RNF185: variants seen among roughly 807,000 people sequenced by gnomAD.
RNF185 encodes the protein ring finger protein 185.
A neutral mutation model predicts 24.9 loss-of-function variants in RNF185; 13 were observed. That is an observed-to-expected ratio of 0.52 (90% CI 0.34 to 0.83). The LOEUF is 0.83. Ranked by LOEUF, RNF185 falls within the 40% of genes least tolerant of loss-of-function variation. The pLI is 0.01. For synonymous variants in RNF185, 79 were observed against 90.3 expected, an observed-to-expected ratio of 0.88 and a Z score of 0.71; for missense variants, 184 against 244.7, an observed-to-expected ratio of 0.75 and a Z score of 1.65.
At chr22:31,165,453 T>C (rs1033208952) in intron 1 of RNF185, among the ~76,000 whole-genome samples, 2 of 152,234 alleles carry the variant, frequency 1.3e-5, no homozygotes, top group Non-Finnish European at 2.9e-5. Flanking sequence ...TTGAGTTATT[T>C]GTTATCGTGT....
chr22:31,198,282 G>A (rs1163301095), intron 5 of RNF185, among the ~76,000 whole-genome samples: 1 of 151,848 alleles, frequency 6.6e-6, no homozygotes, highest in East Asian at 1.9e-4. Flanking sequence ...GCTATTGCTG[G>A]GAACCCATTG....
rs1266971791 is a variant in RNF185 at position 31,195,512 on chromosome 22, A to G, written c.239A>G (p.Lys80Arg). The G allele has an allele frequency of 1.2e-6, 2 of 1,611,312 alleles. No individual in the cohort carries two copies. The change falls in exon 4 of 7, where the codon AAA becomes AGA. Residue 80 changes from lysine to arginine, a missense_variant. Lys to Arg is a conservative substitution (Grantham distance 26, BLOSUM62 2). Coordinates refer to ENST00000326132, the MANE Select transcript of RNF185 (RefSeq NM_152267.4). ...RPNRQVCPVC[K>R]AGISRDKVIP... The stretch of plus-strand genomic sequence containing the variant: ...AACAGACAGGTGTGTCCTGTTTGCA[A>G]AGCTGGCATCAGCCGAGACAAGGTC...
chr22:31,204,630 G>A lies in RNF185; in HGVS notation c.*44G>A, dbSNP rs780177584. The A allele has an allele frequency of 6.5e-6, 9 of 1,382,512 alleles. No homozygotes were observed. The highest frequency in any genetic ancestry group is 7.2e-6 in the Non-Finnish European group (7 of 970,798). The allele number at this position is 1,382,512 out of a possible 1,614,324, so 85.6% of individuals were successfully genotyped here. A position where few individuals can be genotyped will look rare whatever the true frequency, so the allele number is the denominator to read the frequency against. ...ATCCGTGGCAGGGCTCTGGACTGGT[G>A]ACGTGCCACCCCAACTCCTGGTGTT... On this transcript the variant is annotated 3_prime_UTR_variant, in exon 7 of 7. Transcript: ENST00000326132.
At chr22:31,165,799 A>G (rs1408796870) in intron 1 of RNF185, among the ~76,000 whole-genome samples, 2 of 152,174 alleles carry the variant, frequency 1.3e-5, no homozygotes, top group African/African-American at 4.8e-5. Flanking sequence ...ATGTCTGGTT[A>G]TAGGCAGGGA....
intron 1 of RNF185, among the ~76,000 whole-genome samples, chr22:31,186,413 C>A (rs559846765): frequency 6.6e-6 from 1 of 152,178 alleles, no homozygotes; most frequent in East Asian, 1.9e-4. Context: ...ACCAGCCTGG[C>A]CAACATGATG....
rs1315462746 is a variant in RNF185, at chr22:31,160,256, T to C, written c.-96T>C. 1 of 147,314 alleles carries C rather than the reference T, an allele frequency of 6.8e-6. No individual in the cohort carries two copies. 9.1% of individuals were successfully genotyped at this position (147,314 alleles called of 1,614,324 possible). ...TGACGCGGCGTTAGTATTGGCCGTG[T>C]ACCCGAAAAACTGATTGACTGGGCT... On this transcript the variant is annotated 5_prime_UTR_variant, in exon 1 of 7. Transcript: ENST00000326132.
At chr22:31,195,625 T>TGCTGAATGGGA in intron 4 of RNF185, 44 bp downstream of exon 4, 1 of 1,275,848 alleles carries the variant, frequency 7.8e-7, no homozygotes, top group Non-Finnish European at 1.1e-6. Context: ...TCCCCTTGGA[T>TGCTGAATGGGA]GTGAATTCAC....
At chr22:31,168,446 T>G (rs1292278353) in intron 1 of RNF185, among the ~76,000 whole-genome samples, 1 of 152,244 alleles carries the variant, frequency 6.6e-6, no homozygotes, top group African/African-American at 2.4e-5. Flanking sequence ...TTGTATGTAT[T>G]TTGCTTATCC....
chr22:31,175,071 CAAATTA>C (rs1244560509), intron 1 of RNF185, among the ~76,000 whole-genome samples: 10 of 65,042 alleles, frequency 1.5e-4, no homozygotes, highest in African/African-American at 1.1e-3. Context: ...GCCTCCGTCT[CAAATTA>C]AAAAAAAAAA....
At chr22:31,201,461 T>G in intron 5 of RNF185, 37 bp from the exon 6 acceptor site, 1 of 1,484,304 alleles carries the variant, frequency 6.7e-7, no homozygotes, top group Non-Finnish European at 9.4e-7. Context: ...GAAACCTGCC[T>G]GATTCTCCTG....
chr22:31,184,355 A>T lies in RNF185; in HGVS notation c.-48-2692A>T, dbSNP rs542916703. Among the ~76,000 whole-genome samples the T allele has an allele frequency of 3.3e-4, 49 of 149,662 alleles. 1 individual carries two copies. The South Asian group carries it at 0.01, about 31-fold the overall frequency. ...AGAGGCGCTCCCCACATCCCAGAGG[A>T]TGGGCGGCCAGGGAGAGACTCTCCT... On this transcript the variant is annotated intron_variant, in intron 1 of 6. Coordinates refer to ENST00000326132, the MANE Select transcript of RNF185 (RefSeq NM_152267.4).
At chr22:31,168,549 G>A (rs1429378891) in intron 1 of RNF185, among the ~76,000 whole-genome samples, 2 of 152,084 alleles carry the variant, frequency 1.3e-5, no homozygotes, top group Non-Finnish European at 2.9e-5. Flanking sequence ...ATTTCTTTGC[G>A]ACCTTGCTTT....
intron 1 of RNF185, among the ~76,000 whole-genome samples, chr22:31,177,703 T>C (rs949900095): frequency 6.6e-6 from 1 of 152,188 alleles, no homozygotes; most frequent in Non-Finnish European, 1.5e-5. Flanking sequence ...CTCACAGAAA[T>C]GAGACCTCTG....
intron 6 of RNF185, among the ~76,000 whole-genome samples, chr22:31,202,214 G>A (rs1282088615): frequency 6.6e-6 from 1 of 152,042 alleles, no homozygotes. Flanking sequence ...TCCGCATTCG[G>A]TATAGAGCCC....
At chr22:31,199,379 A>T (rs1274710488) in intron 5 of RNF185, among the ~76,000 whole-genome samples, 1 of 152,196 alleles carries the variant, frequency 6.6e-6, no homozygotes, top group East Asian at 1.9e-4. Flanking sequence ...CCACCAGGTG[A>T]CACCACTTTA....
At chr22:31,178,259 C>A (rs1173100913) in intron 1 of RNF185, among the ~76,000 whole-genome samples, 2 of 152,190 alleles carry the variant, frequency 1.3e-5, no homozygotes, top group Admixed American at 1.3e-4. Context: ...CCCTTACCCC[C>A]CAAGTTTATC....
chr22:31,175,058 C>T (rs974217478), intron 1 of RNF185, among the ~76,000 whole-genome samples: 1 of 132,302 alleles, frequency 7.6e-6, no homozygotes, highest in East Asian at 2.3e-4. Flanking sequence ...GGCGACAGAG[C>T]GAGCCTCCGT....
chr22:31,195,508 T>G lies in RNF185; in HGVS notation c.235T>G (p.Cys79Gly). The G allele has an allele frequency of 6.2e-7, 1 of 1,611,048 alleles. No individual in the cohort carries two copies. Residue 79 changes from cysteine to glycine, a missense_variant, in exon 4 of 7, where the codon TGC becomes GGC. By Grantham distance (159) the Cys-to-Gly change is radical. Coordinates refer to ENST00000326132, the MANE Select transcript of RNF185 (RefSeq NM_152267.4). Reference protein sequence around the residue: ...TRPNRQVCPVCKAGISRDKVI... With the variant: ...TRPNRQVCPVGKAGISRDKVI... ...ACCTAACAGACAGGTGTGTCCTGTT[T>G]GCAAAGCTGGCATCAGCCGAGACAA...
At position 31,184,588 on chromosome 22, in the gene RNF185, G is replaced by A. The variant is rs562398558; in HGVS notation, c.-48-2459G>A. Among the ~76,000 whole-genome samples the A allele has an allele frequency of 9.2e-3, 1,407 of 152,244 alleles. 7 individuals carry two copies. Among genetic ancestry groups the A allele is most frequent in the Middle Eastern group, 0.024 (7 of 294 alleles). Reference sequence around the variant, plus strand: ...GCGGCTGGGAGGTGGAGGTTGTAGCGATCCGAGATCACGCCACTGCACTCC... The same window carrying A: ...GCGGCTGGGAGGTGGAGGTTGTAGCAATCCGAGATCACGCCACTGCACTCC... On this transcript the variant is annotated intron_variant, in intron 1 of 6. Coordinates refer to ENST00000326132, the MANE Select transcript of RNF185 (RefSeq NM_152267.4).
Sources: gnomAD v4.1 joint callset for allele counts (sites outside exome capture counted in the v4.1 genomes callset) on GRCh38, gnomAD v4.1.1 for gene constraint, MANE v1.5 for transcripts, NCBI Gene and HGNC (gene_info 2026-07-23, HGNC 2026-07-21) for gene names.